The following C1QTNF3 variants were observed in gnomAD, a reference collection of about 807,000 sequenced individuals.
The protein encoded by C1QTNF3 is complement C1q tumor necrosis factor-related protein 3.
Under a neutral mutation model 32.6 loss-of-function variants are expected in C1QTNF3, and 26 were observed. That is an observed-to-expected ratio of 0.80 (90% CI 0.58 to 1.11). C1QTNF3 has a LOEUF of 1.11. C1QTNF3 is among the 50% of genes least tolerant of loss of function. The probability of loss-of-function intolerance (pLI) is 0.00; values close to 1 mark genes in which losing one functional copy is unlikely to be tolerated. For missense variants in C1QTNF3, 362 were observed against 398.2 expected, an observed-to-expected ratio of 0.91 and a Z score of 0.77; for synonymous variants, 155 against 146.0, an observed-to-expected ratio of 1.06 and a Z score of -0.44.
the C1QTNF3 span, among the ~76,000 whole-genome samples, chr5:34,238,044 C>T: frequency 6.6e-6 from 1 of 152,322 alleles, no homozygotes; most frequent in African/African-American, 2.4e-5. Context: ...TACATATACA[C>T]CTGTGAAACC....
chr5:34,081,101 A>T, the C1QTNF3 span, among the ~76,000 whole-genome samples: 3 of 151,912 alleles, frequency 2.0e-5, no homozygotes, highest in African/African-American at 7.3e-5. Flanking sequence ...ACAGTCTTCG[A>T]ATCTTTGAAC....
At chr5:34,240,186 C>A in the C1QTNF3 span, among the ~76,000 whole-genome samples, 1 of 146,166 alleles carries the variant, frequency 6.8e-6, no homozygotes, top group Non-Finnish European at 1.5e-5. Flanking sequence ...AGAAATATTT[C>A]AAATTAACAA....
the C1QTNF3 span, among the ~76,000 whole-genome samples, chr5:34,225,443 GACA>G: frequency 3.3e-5 from 5 of 151,928 alleles, no homozygotes; most frequent in African/African-American, 1.2e-4. Flanking sequence ...AATACTTCAA[GACA>G]ACTTTTCAAA....
the C1QTNF3 span, among the ~76,000 whole-genome samples, chr5:34,134,047 A>G: frequency 2.6e-5 from 4 of 152,240 alleles, no homozygotes; most frequent in South Asian, 2.1e-4. Flanking sequence ...GATGATAATT[A>G]TAACAGAAGC....
chr5:34,103,544 C>T, the C1QTNF3 span, among the ~76,000 whole-genome samples: 10 of 145,132 alleles, frequency 6.9e-5, no homozygotes, highest in Non-Finnish European at 6.0e-5. Context: ...GTAGTCTGGA[C>T]GCGGTGGCTC....
chr5:34,157,051 CAA>C, the C1QTNF3 span, among the ~76,000 whole-genome samples: 2 of 152,132 alleles, frequency 1.3e-5, no homozygotes, highest in Admixed American at 1.3e-4. Context: ...TTAGCCATAT[CAA>C]TATATAATTT....
chr5:34,046,473 T>C (rs1032261411), upstream of C1QTNF3, among the ~76,000 whole-genome samples: 2 of 152,176 alleles, frequency 1.3e-5, no homozygotes, highest in African/African-American at 2.4e-5. Context: ...GAGAACACTA[T>C]GTGAAAATGA....
the C1QTNF3 span, among the ~76,000 whole-genome samples, chr5:34,223,990 ATTTG>A: frequency 6.6e-6 from 1 of 152,134 alleles, no homozygotes; most frequent in East Asian, 1.9e-4. Context: ...AATCACACGC[ATTTG>A]TATACACCAA....
the C1QTNF3 span, among the ~76,000 whole-genome samples, chr5:34,073,050 G>A: frequency 5.9e-5 from 9 of 152,104 alleles, no homozygotes; most frequent in Admixed American, 3.9e-4. Context: ...AATTGTGGCC[G>A]GGCGCGGTGA....
rs1182285899 is a variant in C1QTNF3, at chr5:34,032,861, T to C, written c.570+443A>G. 3.9e-5 allele frequency among the ~76,000 whole-genome samples: 6 copies of C among 152,296 alleles called. 1 individual carries two copies. The highest frequency in any genetic ancestry group is 3.9e-4 in the East Asian group (2 of 5,192). On this transcript the variant is annotated intron_variant, in intron 3 of 5. Coordinates refer to ENST00000382065, the MANE Select transcript of C1QTNF3 (RefSeq NM_181435.6). ...AGAAAACAATATATATCAATATTTA[T>C]GTATGGATTAGTATATGTAAATATA...
the C1QTNF3 span, among the ~76,000 whole-genome samples, chr5:34,102,426 A>C: frequency 6.6e-6 from 1 of 152,098 alleles, no homozygotes; most frequent in Non-Finnish European, 1.5e-5. Flanking sequence ...TTAGCAAAAA[A>C]ATAGTATTTC....
At chr5:34,084,946 T>C in the C1QTNF3 span, among the ~76,000 whole-genome samples, 63 of 149,996 alleles carry the variant, frequency 4.2e-4, no homozygotes, top group Non-Finnish European at 7.8e-4. Context: ...GCCTAGGTTT[T>C]CTTCTAGGGT....
the C1QTNF3 span, among the ~76,000 whole-genome samples, chr5:34,207,800 T>C: frequency 6.6e-6 from 1 of 151,962 alleles, no homozygotes; most frequent in East Asian, 1.9e-4. Context: ...GTTTTTTTTT[T>C]TTTTTGAGAC....
At chr5:34,165,035 G>A in the C1QTNF3 span, 3 of 152,018 alleles carry the variant, frequency 2.0e-5, no homozygotes. Context: ...AATTGGTCAG[G>A]GGTATGGATA....
At chr5:34,133,427 T>C in the C1QTNF3 span, among the ~76,000 whole-genome samples, 1 of 152,140 alleles carries the variant, frequency 6.6e-6, no homozygotes, top group African/African-American at 2.4e-5. Context: ...TGATCTAGAA[T>C]AAGAGGTTTT....
the C1QTNF3 span, among the ~76,000 whole-genome samples, chr5:34,220,620 A>G: frequency 6.6e-6 from 1 of 152,032 alleles, no homozygotes; most frequent in African/African-American, 2.4e-5. Context: ...CTAAGTATGG[A>G]AAGACTAATC....
At chr5:34,142,422 A>C in the C1QTNF3 span, among the ~76,000 whole-genome samples, 1 of 124,024 alleles carries the variant, frequency 8.1e-6, no homozygotes, top group African/African-American at 3.2e-5. Flanking sequence ...ACAGAGTGAG[A>C]CTCCATCTCA....
the C1QTNF3 span, among the ~76,000 whole-genome samples, chr5:34,206,164 TA>T: frequency 6.6e-6 from 1 of 150,678 alleles, no homozygotes; most frequent in Non-Finnish European, 1.5e-5. Flanking sequence ...ATGAATGAGA[TA>T]AAAGAGGTAA....
the C1QTNF3 span, among the ~76,000 whole-genome samples, chr5:34,130,764 A>G: frequency 6.6e-6 from 1 of 152,376 alleles, no homozygotes; most frequent in African/African-American, 2.4e-5. Flanking sequence ...GAGTTTCAAC[A>G]TATCAACAGA....
Sources: gnomAD v4.1 joint callset for allele counts (sites outside exome capture counted in the v4.1 genomes callset) on GRCh38, gnomAD v4.1.1 for gene constraint, MANE v1.5 for transcripts, NCBI Gene and HGNC (gene_info 2026-07-23, HGNC 2026-07-21) for gene names.